Variants in VDAC2 observed in about 807,000 individuals in gnomAD.
VDAC2 encodes the protein voltage dependent anion channel 2.
Under a neutral mutation model 36.6 loss-of-function variants are expected in VDAC2, and 6 were observed. The ratio of observed to expected loss-of-function variants is 0.16; its 90% CI spans 0.09 to 0.32. The LOEUF is 0.32. VDAC2 is among the 10% of genes least tolerant of loss of function. The probability of loss-of-function intolerance (pLI) is 1.00; values close to 1 mark genes in which losing one functional copy is unlikely to be tolerated. For missense variants in VDAC2, 247 were observed against 346.0 expected (o/e 0.71, Z 2.27); for synonymous variants, 109 against 123.8 (o/e 0.88, Z 0.79).
At chr10:75,212,176 G>C in intron 2 of VDAC2, 54 bp from the exon 3 acceptor site, 1 of 1,499,962 alleles carries the variant, frequency 6.7e-7, no homozygotes, top group Non-Finnish European at 9.2e-7. Flanking sequence ...CTTGTTCTTG[G>C]ATAGAAGGTG....
intron 4 of VDAC2, among the ~76,000 whole-genome samples, chr10:75,215,335 A>G (rs950933181): frequency 6.6e-6 from 1 of 151,736 alleles, no homozygotes; most frequent in African/African-American, 2.4e-5. Context: ...GTATGTATGT[A>G]TATATATAGA....
At position 75,212,240 on chromosome 10, in the gene VDAC2, T is replaced by G; in HGVS notation, c.42T>G (p.Ile14Met). Reference sequence around the variant, plus strand: ...TTTTTTTTCTACCAGCAATGTGTATTCCTCCATCATATGCTGACCTTGGCA... The same window carrying G: ...TTTTTTTTCTACCAGCAATGTGTATGCCTCCATCATATGCTGACCTTGGCA... ...HGQTCARPMC[I>M]PPSYADLGKA... The change falls in exon 3 of 10, where the codon ATT becomes ATG. Residue 14 changes from isoleucine (I) to methionine (M), a missense_variant. By Grantham distance (10) the Ile-to-Met change is conservative. This residue lies in a region of VDAC2 where 76 missense variants were observed against 76.9 expected (regional missense o/e 0.99). Transcript: ENST00000332211. 6.2e-7 allele frequency: 1 copy of G among 1,613,786 alleles called. No homozygotes were observed. The highest frequency in any genetic ancestry group is 8.5e-7 in the Non-Finnish European group (1 of 1,179,910).
intron 7 of VDAC2, among the ~76,000 whole-genome samples, chr10:75,221,897 A>G (rs1841824365): frequency 6.6e-6 from 1 of 152,272 alleles, no homozygotes; most frequent in Non-Finnish European, 1.5e-5. Flanking sequence ...CGTTTCTTAC[A>G]ATCATGCCAG....
intron 8 of VDAC2, among the ~76,000 whole-genome samples, chr10:75,226,467 T>TC (rs1357185978): frequency 7.4e-5 from 11 of 149,018 alleles, no homozygotes; most frequent in African/African-American, 2.7e-4. Context: ...TTTTTTTTTT[T>TC]TTTTTTTAAT....
intron 9 of VDAC2, among the ~76,000 whole-genome samples, chr10:75,230,219 AT>A (rs1842064942): frequency 6.6e-6 from 1 of 152,148 alleles, no homozygotes; most frequent in Admixed American, 6.5e-5. Flanking sequence ...TCAGATAGGG[AT>A]TTTCCTCCCC....
intron 8 of VDAC2, among the ~76,000 whole-genome samples, chr10:75,228,652 T>TA (rs1410176385): frequency 6.6e-6 from 1 of 152,254 alleles, no homozygotes; most frequent in Non-Finnish European, 1.5e-5. Context: ...TCTGTATAGT[T>TA]ACATCATTTC....
chr10:75,221,617 A>G (rs1278161191), intron 7 of VDAC2, among the ~76,000 whole-genome samples: 1 of 151,816 alleles, frequency 6.6e-6, no homozygotes, highest in East Asian at 1.9e-4. Context: ...GTGCCCGGCT[A>G]TTGTTGTTTT....
At chr10:75,221,212 C>A (rs1408479533) in intron 7 of VDAC2, among the ~76,000 whole-genome samples, 2 of 152,152 alleles carry the variant, frequency 1.3e-5, no homozygotes, top group Non-Finnish European at 2.9e-5. Flanking sequence ...TGTATTTTTA[C>A]AAGAGGCATT....
At chr10:75,212,333 G>A (rs1841450172) in intron 3 of VDAC2, 35 bp downstream of exon 3, 1 of 1,564,636 alleles carries the variant, frequency 6.4e-7, no homozygotes, top group Non-Finnish European at 8.7e-7. Context: ...TTTAGATAAA[G>A]AGTGAAAATG....
chr10:75,213,439 ATTTAAG>A (rs1203167726), intron 3 of VDAC2, among the ~76,000 whole-genome samples: 1 of 152,146 alleles, frequency 6.6e-6, no homozygotes, highest in African/African-American at 2.4e-5. Context: ...TTAATCTGAT[ATTTAAG>A]TTTAAGAATA....
chr10:75,228,862 C>T (rs1276600130), intron 8 of VDAC2, among the ~76,000 whole-genome samples: 2 of 152,180 alleles, frequency 1.3e-5, no homozygotes, highest in African/African-American at 4.8e-5. Context: ...TCTGGTGTGT[C>T]TTCATAATGT....
rs183399233 is a variant in VDAC2 at position 75,218,631 on chromosome 10, G to A, written c.151-432G>A. Among the ~76,000 whole-genome samples the A allele has an allele frequency of 3.6e-3, 549 of 152,102 alleles. 2 individuals are homozygous for A. The highest frequency in any genetic ancestry group is 4.0e-3 in the Non-Finnish European group (273 of 68,004). ...ACAAAAATCAGCTGGGTGTGGTGGC[G>A]GGCACCTGTAATCCCAGCTACTTGG... On this transcript the variant is annotated intron_variant, in intron 4 of 9. Transcript: ENST00000332211.
chr10:75,210,795 G>A, upstream of VDAC2: 1 of 206,568 alleles, frequency 4.8e-6, no homozygotes, highest in Admixed American at 6.0e-5. Flanking sequence ...TCCTGTCTGG[G>A]AGAGGACAGG....
At chr10:75,221,972 T>C (rs574362690) in intron 7 of VDAC2, among the ~76,000 whole-genome samples, 3 of 152,366 alleles carry the variant, frequency 2.0e-5, no homozygotes, top group East Asian at 1.9e-4. Context: ...TATATACTTA[T>C]ATATAAAATA....
intron 4 of VDAC2, 129 bp from the exon 5 acceptor site, chr10:75,218,934 A>T: frequency 2.2e-6 from 2 of 896,472 alleles, no homozygotes; most frequent in South Asian, 3.8e-5. Context: ...ACGAGTGTTT[A>T]GGAAGCTAGA....
At chr10:75,228,015 C>A (rs1842009010) in intron 8 of VDAC2, among the ~76,000 whole-genome samples, 1 of 151,824 alleles carries the variant, frequency 6.6e-6, no homozygotes, top group Admixed American at 6.6e-5. Context: ...CTGCCTTAGC[C>A]TCCCGAGTAG....
chr10:75,220,428 C>A (rs979603235), intron 6 of VDAC2, among the ~76,000 whole-genome samples: 1 of 152,200 alleles, frequency 6.6e-6, no homozygotes, highest in Admixed American at 6.5e-5. Flanking sequence ...TTTTAGAATA[C>A]TATGGTTGCT....
chr10:75,219,683 C>A (rs1680828948), intron 6 of VDAC2, among the ~76,000 whole-genome samples: 1 of 151,152 alleles, frequency 6.6e-6, no homozygotes. Flanking sequence ...CGGGGTTTCG[C>A]CATGTTGGCC....
chr10:75,211,292 T>G, intron 2 of VDAC2, 103 bp downstream of exon 2: 7 of 1,506,182 alleles, frequency 4.6e-6, no homozygotes, highest in Non-Finnish European at 6.3e-6. Context: ...AACTTGGAAA[T>G]TCGGCTGCTT....
Sources: allele counts gnomAD v4.1 joint callset (sites outside exome capture counted in the v4.1 genomes callset), GRCh38; gene constraint gnomAD v4.1.1; regional missense constraint gnomAD v4.1.1; transcripts MANE v1.5; gene names NCBI Gene and HGNC (gene_info 2026-07-23, HGNC 2026-07-21).